The following SLC43A2 variants were observed in gnomAD, a reference collection of about 807,000 sequenced individuals.
The protein encoded by SLC43A2 is solute carrier family 43 member 2.
SLC43A2 carries 38 observed loss-of-function variants against 63.2 expected under a neutral mutation model. The ratio of observed to expected loss-of-function variants is 0.60; its 90% CI spans 0.46 to 0.79. The LOEUF is 0.79. Ranked by LOEUF, SLC43A2 falls within the 30% of genes least tolerant of loss-of-function variation. The pLI, the probability that SLC43A2 is intolerant of heterozygous loss-of-function variation, is 0.00. For synonymous variants in SLC43A2, 322 were observed against 331.0 expected (o/e 0.97, Z 0.30); for missense variants, 644 against 756.2 (o/e 0.85, Z 1.74).
At chr17:1,592,350 C>A (rs1904897908) in intron 6 of SLC43A2, among the ~76,000 whole-genome samples, 1 of 152,214 alleles carries the variant, frequency 6.6e-6, no homozygotes, top group African/African-American at 2.4e-5. Context: ...TCACTTGAAC[C>A]TGGGAGGTGG....
intron 5 of SLC43A2, among the ~76,000 whole-genome samples, chr17:1,610,162 A>T (rs1906967800): frequency 1.3e-5 from 2 of 151,782 alleles, no homozygotes; most frequent in South Asian, 4.2e-4. Context: ...GGTGATGGGA[A>T]CCTTCTCAGC....
At chr17:1,586,844 G>C in intron 9 of SLC43A2, 1 of 1,272,736 alleles carries the variant, frequency 7.9e-7, no homozygotes, top group East Asian at 2.7e-5. Flanking sequence ...CTCTAGCCAG[G>C]AGGCATGTCT....
At position 1,583,190 on chromosome 17, in the gene SLC43A2, C is replaced by G; in HGVS notation, c.1350+14G>C. 6.2e-7 allele frequency: 1 copy of G among 1,611,896 alleles called. No homozygotes were observed. The highest frequency in any genetic ancestry group is 1.1e-5 in the South Asian group (1 of 91,032). On this transcript the variant is annotated intron_variant, in intron 11 of 13. Transcript: ENST00000301335. The surrounding 1 kb of genome is among the most constrained non-coding windows in gnomAD (Gnocchi z 5.5). ...CCCCACCTCCCACCTGCCCCTCCCA[C>G]TCCCCACACCCACCTGGAGAGGCAG... is the stretch of plus-strand genomic sequence containing the variant.
At chr17:1,618,749 C>G (rs958726588) in intron 2 of SLC43A2, among the ~76,000 whole-genome samples, 1 of 152,236 alleles carries the variant, frequency 6.6e-6, no homozygotes, top group Admixed American at 6.5e-5. Context: ...CTTTGGGAGG[C>G]AGAGGCGGGT....
rs1290353979 is a variant in SLC43A2, at chr17:1,606,196, G to A, written c.501+6999C>T. On this transcript the variant is annotated intron_variant, in intron 5 of 13. Transcript: ENST00000301335. This position sits in a 1 kb window ranked among gnomAD's most constrained non-coding sequence, Gnocchi z 4.7. ...CTGGACCCTCCAGAGCTGGCCGGGG[G>A]CCACCGTGGGACCCTCTCCTGGCTG... Among the ~76,000 whole-genome samples the A allele has an allele frequency of 6.6e-6, 1 of 151,782 alleles. No homozygotes were observed. The highest frequency in any genetic ancestry group is 1.5e-5 in the Non-Finnish European group (1 of 67,992).
chr17:1,585,489 A>T, intron 10 of SLC43A2: 1 of 388,522 alleles, frequency 2.6e-6, no homozygotes. Context: ...CAAGCAATTC[A>T]CTCACCTCAA....
intron 11 of SLC43A2, among the ~76,000 whole-genome samples, chr17:1,579,745 G>A (rs1040152723): frequency 6.6e-6 from 1 of 152,000 alleles, no homozygotes; most frequent in African/African-American, 2.4e-5. Context: ...GCTGAGGTGG[G>A]AGGATCACCT....
chr17:1,585,762 G>T (rs774003727), intron 10 of SLC43A2, 151 bp downstream of exon 10: 15 of 1,591,630 alleles, frequency 9.4e-6, no homozygotes, highest in Admixed American at 1.7e-5. Flanking sequence ...ATGCTGAGCT[G>T]AATGAGTGAG....
Position 1,591,712 on chromosome 17 carries a change from GC to G in SLC43A2, c.595-14del. ...CATCATAGATGAGCTGACAGGCACCGCGGGGACGGGGTGGGGGGGGGAGGGG... is the reference window on the plus strand; with the variant it reads ...CATCATAGATGAGCTGACAGGCACCGGGGGACGGGGTGGGGGGGGGAGGGG... On this transcript the variant is annotated splice_polypyrimidine_tract_variant and intron_variant, in intron 6 of 13. Transcript: ENST00000301335. 8.2e-7 allele frequency: 1 copy of G among 1,223,120 alleles called. No homozygotes were observed. 75.8% of individuals were successfully genotyped at this position (1,223,120 alleles called of 1,614,324 possible). A position where few individuals can be genotyped will look rare whatever the true frequency, so the allele number is the denominator to read the frequency against.
intron 5 of SLC43A2, among the ~76,000 whole-genome samples, chr17:1,607,723 T>G (rs1906743561): frequency 6.7e-6 from 1 of 149,404 alleles, no homozygotes; most frequent in Non-Finnish European, 1.5e-5. Context: ...ACAATAGACT[T>G]TTTTTTTTTT....
At chr17:1,586,234 G>A (rs137939836) in intron 9 of SLC43A2, among the ~76,000 whole-genome samples, 183 bp from the exon 10 acceptor site, 2 of 152,264 alleles carry the variant, frequency 1.3e-5, no homozygotes, top group Non-Finnish European at 2.9e-5. Flanking sequence ...GATGGAGCAC[G>A]GGGCAGGTCA....
At chr17:1,598,010 A>G (rs1348053900) in intron 5 of SLC43A2, among the ~76,000 whole-genome samples, 1 of 152,224 alleles carries the variant, frequency 6.6e-6, no homozygotes, top group African/African-American at 2.4e-5. Flanking sequence ...ACTGCACTGT[A>G]GCAAAGGCAT....
At chr17:1,598,510 G>T (rs937891729) in intron 5 of SLC43A2, among the ~76,000 whole-genome samples, 1 of 152,126 alleles carries the variant, frequency 6.6e-6, no homozygotes, top group Non-Finnish European at 1.5e-5. Flanking sequence ...TTGGTGCAGG[G>T]TCAGGTGAGG....
At chr17:1,627,165 T>C (rs1047451056) in intron 2 of SLC43A2, among the ~76,000 whole-genome samples, 2 of 152,194 alleles carry the variant, frequency 1.3e-5, no homozygotes, top group Non-Finnish European at 2.9e-5. Flanking sequence ...GGAAATGTCC[T>C]TTGGAGAATC....
At chr17:1,582,410 A>G (rs2076033395) in intron 11 of SLC43A2, among the ~76,000 whole-genome samples, 1 of 152,180 alleles carries the variant, frequency 6.6e-6, no homozygotes, top group Admixed American at 6.6e-5. Context: ...TGAAGCCACC[A>G]TCAAGGTCTT....
At position 1,575,594 on chromosome 17, in the gene SLC43A2, G is replaced by A; in HGVS notation, c.*10C>T. ...ACAGGCAGGAGACCGCAGTTCCGAG[G>A]CGGCAGCCACTACACGAAGGCCTCC... is the stretch of plus-strand genomic sequence containing the variant. On this transcript the variant is annotated 3_prime_UTR_variant, in exon 14 of 14. Coordinates refer to ENST00000301335, the MANE Select transcript of SLC43A2 (RefSeq NM_152346.3). The A allele has an allele frequency of 1.2e-6, 2 of 1,613,986 alleles. No homozygotes were observed. The highest frequency in any genetic ancestry group is 1.7e-6 in the Non-Finnish European group (2 of 1,180,006).
At chr17:1,587,466 CT>C (rs2076122511) in intron 9 of SLC43A2, among the ~76,000 whole-genome samples, 1 of 152,250 alleles carries the variant, frequency 6.6e-6, no homozygotes, top group Non-Finnish European at 1.5e-5. Context: ...ATGGCCAGAG[CT>C]GGTCTCCCTT....
intron 5 of SLC43A2, among the ~76,000 whole-genome samples, chr17:1,607,803 C>A (rs1356136009): frequency 6.6e-6 from 1 of 152,060 alleles, no homozygotes; most frequent in African/African-American, 2.4e-5. Context: ...GCAACCTCTG[C>A]CTCCCGGGTT....
rs912141295 is a variant in SLC43A2, at chr17:1,591,608, C to T, written c.686G>A (p.Trp229Ter). Residue 229 changes from tryptophan (W) to a stop codon, truncating the protein, a stop_gained, in exon 7 of 14, where the codon TGG becomes TAG. Coordinates refer to ENST00000301335, the MANE Select transcript of SLC43A2 (RefSeq NM_152346.3). LOFTEE classifies it high-confidence loss of function. ...GLVFLNCFFN[W>*]PLEPFPGPED... ...CGGCCCCGGGAAGGGCTCAAGGGGC[C>T]AGTTAAAGAAGCAGTTGAGGAAAAC... 6.5e-7 allele frequency: 1 copy of T among 1,549,438 alleles called. No individual in the cohort carries two copies. The highest frequency in any genetic ancestry group is 8.7e-7 in the Non-Finnish European group (1 of 1,146,808).
Sources: allele counts gnomAD v4.1 joint callset (sites outside exome capture counted in the v4.1 genomes callset), GRCh38; gene constraint gnomAD v4.1.1; non-coding constraint Gnocchi (gnomAD v3.1); transcripts MANE v1.5; gene names NCBI Gene and HGNC (gene_info 2026-07-23, HGNC 2026-07-21).